AVEN: variants seen among roughly 807,000 people sequenced by gnomAD.
The protein encoded by AVEN is apoptosis and caspase activation inhibitor, also known as cell death regulator Aven.
AVEN carries 41 observed loss-of-function variants against 38.1 expected under a neutral mutation model. That is an observed-to-expected ratio of 1.08 (90% CI 0.84 to 1.40). The LOEUF (loss-of-function observed/expected upper bound fraction) is 1.40. Ranked by LOEUF, AVEN falls within the 40% of genes most tolerant of loss-of-function variation. The pLI is 0.00. For synonymous variants in AVEN, 206 were observed against 171.8 expected (o/e 1.20, Z -1.56); for missense variants, 605 against 438.8 (o/e 1.38, Z -3.38).
exon 1 of AVEN, among the ~76,000 whole-genome samples, chr15:34,074,553 T>C (rs958898150): frequency 6.6e-6 from 1 of 152,142 alleles, no homozygotes; most frequent in Admixed American, 6.5e-5. Flanking sequence ...CTGGTAGTCT[T>C]GTGTTCCTCA....
At chr15:33,865,164 T>A, downstream of AVEN, 1 of 1,613,778 alleles carries the variant, frequency 6.2e-7, no homozygotes, top group Non-Finnish European at 8.5e-7. Context: ...CCAAGAAAGG[T>A]GTTGGGATTT....
chr15:33,876,196 T>C lies in AVEN; in HGVS notation c.446-201A>G, dbSNP rs61172583. Among the ~76,000 whole-genome samples the C allele has an allele frequency of 0.039, 5,894 of 152,192 alleles. 332 individuals carry two copies. Among genetic ancestry groups the C allele is most frequent in the South Asian group, 0.12 (599 of 4,828 alleles). On this transcript the variant is annotated intron_variant, in intron 2 of 5. Coordinates refer to ENST00000306730, the MANE Select transcript of AVEN (RefSeq NM_020371.3). ...ATGACAATGTTAACATTTGATAAGA[T>C]TAAATGTAAGGCAAAAGGACCAAGA...
chr15:34,041,627 A>T (rs1252526347), upstream of AVEN, among the ~76,000 whole-genome samples: 5 of 152,314 alleles, frequency 3.3e-5, no homozygotes, highest in African/African-American at 1.2e-4. Context: ...TTTGAAAGGT[A>T]TGCCATTTTA....
At chr15:33,931,412 CCGGGCTGGAGTGCAGTGGCA>C (rs1185993683) in intron 2 of AVEN, among the ~76,000 whole-genome samples, 3 of 119,962 alleles carry the variant, frequency 2.5e-5, no homozygotes, top group Non-Finnish European at 4.8e-5. Flanking sequence ...GCTCTGTCAC[CCGGGCTGGAGTGCAGTGGCA>C]CAATCTCGGC....
intron 2 of AVEN, among the ~76,000 whole-genome samples, chr15:33,984,018 A>G (rs1282271512): frequency 6.6e-6 from 1 of 152,146 alleles, no homozygotes; most frequent in East Asian, 1.9e-4. Flanking sequence ...GAAAAGACTG[A>G]GAAACTGTCA....
intron 1 of AVEN, among the ~76,000 whole-genome samples, chr15:34,031,246 C>G (rs960270839): frequency 2.2e-5 from 3 of 137,746 alleles, no homozygotes; most frequent in Non-Finnish European, 4.5e-5. Flanking sequence ...GCGATCTCAG[C>G]TCACTGCAAC....
the AVEN span, chr15:33,853,429 G>T: frequency 8.2e-7 from 1 of 1,220,428 alleles, no homozygotes; most frequent in Non-Finnish European, 1.1e-6. Flanking sequence ...TCTGCATTTT[G>T]AACTATGTCT....
At chr15:33,970,530 G>C (rs1366548565) in intron 2 of AVEN, among the ~76,000 whole-genome samples, 1 of 151,890 alleles carries the variant, frequency 6.6e-6, no homozygotes, top group Non-Finnish European at 1.5e-5. Flanking sequence ...CCTACACTGA[G>C]AAACAGCTGA....
chr15:34,052,297 C>T (rs938608494), intron 5 of AVEN, among the ~76,000 whole-genome samples: 8 of 152,064 alleles, frequency 5.3e-5, no homozygotes, highest in African/African-American at 1.9e-4. Context: ...AAATTTAAAT[C>T]CCTTCATATT....
intron 2 of AVEN, among the ~76,000 whole-genome samples, chr15:33,953,749 A>C (rs1894838883): frequency 6.6e-6 from 1 of 152,252 alleles, no homozygotes; most frequent in Non-Finnish European, 1.5e-5. Context: ...CATGACTAAA[A>C]CACCAATAGC....
intron 2 of AVEN, among the ~76,000 whole-genome samples, chr15:33,964,448 A>C (rs1198392296): frequency 1.3e-5 from 2 of 152,220 alleles, no homozygotes; most frequent in Non-Finnish European, 2.9e-5. Flanking sequence ...AGATTCATTT[A>C]AAGTGTCTAA....
chr15:33,928,775 C>A (rs574377366), intron 2 of AVEN, among the ~76,000 whole-genome samples: 3 of 152,144 alleles, frequency 2.0e-5, no homozygotes, highest in Non-Finnish European at 4.4e-5. Context: ...TGCTCCCAGG[C>A]AGGAAGGGCC....
At chr15:33,963,354 A>T (rs1434234172) in intron 2 of AVEN, among the ~76,000 whole-genome samples, 2 of 152,204 alleles carry the variant, frequency 1.3e-5, no homozygotes, top group Non-Finnish European at 2.9e-5. Flanking sequence ...TTTAAAATTT[A>T]TCTGATATAA....
chr15:33,875,834 T>C (rs1891200118), intron 3 of AVEN, 91 bp downstream of exon 3: 23 of 1,249,328 alleles, frequency 1.8e-5, no homozygotes, highest in Non-Finnish European at 2.5e-5. Context: ...TACTCTTTTC[T>C]ACATGAAGAC....
At chr15:33,911,418 T>G (rs1055331127) in intron 2 of AVEN, among the ~76,000 whole-genome samples, 1 of 152,238 alleles carries the variant, frequency 6.6e-6, no homozygotes, top group Non-Finnish European at 1.5e-5. Context: ...CTAACATACC[T>G]TTGAAGGATA....
At chr15:33,974,791 G>A (rs577890170) in intron 2 of AVEN, among the ~76,000 whole-genome samples, 14 of 152,274 alleles carry the variant, frequency 9.2e-5, no homozygotes, top group African/African-American at 3.4e-4. Context: ...TGGCCAACAT[G>A]TTGAAACCCC....
At chr15:33,972,806 T>C (rs1360794727) in intron 2 of AVEN, among the ~76,000 whole-genome samples, 6 of 152,164 alleles carry the variant, frequency 3.9e-5, no homozygotes, top group Non-Finnish European at 8.8e-5. Flanking sequence ...CTTTGATTAG[T>C]GGCAATACCC....
intron 2 of AVEN, chr15:34,067,517 C>T (rs940112266): frequency 2.0e-5 from 3 of 152,172 alleles, no homozygotes; most frequent in Non-Finnish European, 2.9e-5. Context: ...CCTATTAGAT[C>T]CATCTATATT....
chr15:33,911,542 G>A (rs1892919323), intron 2 of AVEN, among the ~76,000 whole-genome samples: 1 of 152,120 alleles, frequency 6.6e-6, no homozygotes, highest in African/African-American at 2.4e-5. Context: ...ACAGCAAATT[G>A]GGAAATAACT....
Sources: gnomAD v4.1 joint callset for allele counts (sites outside exome capture counted in the v4.1 genomes callset) on GRCh38, gnomAD v4.1.1 for gene constraint, MANE v1.5 for transcripts, NCBI Gene and HGNC (gene_info 2026-07-23, HGNC 2026-07-21) for gene names.